The following RELN variants were observed in gnomAD, a reference collection of about 807,000 sequenced individuals.
RELN encodes reelin.
Under a neutral mutation model 427.6 loss-of-function variants are expected in RELN, and 108 were observed. That is an observed-to-expected ratio of 0.25 (90% CI 0.22 to 0.30). The LOEUF (loss-of-function observed/expected upper bound fraction) is 0.30, where lower values mean the gene tolerates loss of function less well. Among genes scored for constraint, RELN ranks in the 10% least tolerant of loss-of-function variants. The probability of loss-of-function intolerance (pLI) is 1.00; values close to 1 mark genes in which losing one functional copy is unlikely to be tolerated. For synonymous variants in RELN, 1,524 were observed against 1,513.4 expected (o/e 1.01, Z -0.16); for missense variants, 3,715 against 4,302.8 (o/e 0.86, Z 3.82).
At chr7:103,538,631 A>C (rs538576477) in intron 45 of RELN, among the ~76,000 whole-genome samples, 14 of 152,270 alleles carry the variant, frequency 9.2e-5, no homozygotes, top group African/African-American at 3.4e-4. Flanking sequence ...GTTTCATCTA[A>C]TGCCCCAAGA....
chr7:103,486,712 T>C (rs1309615907), intron 60 of RELN, among the ~76,000 whole-genome samples: 1 of 152,162 alleles, frequency 6.6e-6, no homozygotes, highest in Non-Finnish European at 1.5e-5. Flanking sequence ...TGGGATACCA[T>C]CTCATGTCAG....
At chr7:103,936,098 G>GGTTTTT in intron 1 of RELN, among the ~76,000 whole-genome samples, 1 of 99,132 alleles carries the variant, frequency 1.0e-5, no homozygotes, top group Admixed American at 1.0e-4. Flanking sequence ...TGCTTCAATG[G>GGTTTTT]CTTTTTTTTT....
intron 38 of RELN, 105 bp downstream of exon 38, chr7:103,556,872 A>AC: frequency 1.1e-6 from 1 of 914,116 alleles, no homozygotes; most frequent in Non-Finnish European, 1.8e-6. Flanking sequence ...TGTGCTGTGG[A>AC]CAGCTAAGCT....
At chr7:103,756,421 TTC>T (rs753360935) in intron 4 of RELN, among the ~76,000 whole-genome samples, 35 of 152,180 alleles carry the variant, frequency 2.3e-4, no homozygotes, top group Non-Finnish European at 1.5e-4. Context: ...TGCTGAACTG[TTC>T]TCTGTGTTAA....
chr7:103,745,776 CA>C (rs1393332723), intron 6 of RELN, among the ~76,000 whole-genome samples: 1 of 151,648 alleles, frequency 6.6e-6, no homozygotes, highest in Non-Finnish European at 1.5e-5. Context: ...AGGATACAAA[CA>C]AATGGAAGAA....
intron 10 of RELN, among the ~76,000 whole-genome samples, chr7:103,687,959 G>A (rs1833797291): frequency 6.6e-6 from 1 of 152,052 alleles, no homozygotes; most frequent in South Asian, 2.1e-4. Flanking sequence ...TCATTGGGGG[G>A]AATTGTGAAA....
chr7:103,725,668 ATGAG>A (rs1273674307), intron 7 of RELN, among the ~76,000 whole-genome samples: 1 of 152,184 alleles, frequency 6.6e-6, no homozygotes, highest in Non-Finnish European at 1.5e-5. Flanking sequence ...TTTCCTTTAA[ATGAG>A]TGAGAAAATG....
At chr7:103,540,530 G>T in intron 43 of RELN, 75 bp from the exon 44 acceptor site, 1 of 1,441,090 alleles carries the variant, frequency 6.9e-7, no homozygotes, top group Non-Finnish European at 9.7e-7. Context: ...ACAAGCACAT[G>T]GGGTAATGCA....
rs1234489695 is a variant in RELN, at chr7:103,603,767, T to C, written c.3147-277A>G. ...CGAAGGACAGTGGTGTGTGTGCTTATGTGAGTGTGTGTTTGTGGGGGGCTG... is the reference window on the plus strand; with the variant it reads ...CGAAGGACAGTGGTGTGTGTGCTTACGTGAGTGTGTGTTTGTGGGGGGCTG... On this transcript the variant is annotated intron_variant, in intron 23 of 64. Coordinates refer to ENST00000428762, the MANE Select transcript of RELN (RefSeq NM_005045.4). The surrounding 1 kb of genome is among the most constrained non-coding windows in gnomAD (Gnocchi z 4.3). 1.3e-5 allele frequency among the ~76,000 whole-genome samples: 2 copies of C among 152,214 alleles called. No individual in the cohort carries two copies. The highest frequency in any genetic ancestry group is 6.5e-5 in the Admixed American group (1 of 15,268).
chr7:103,784,541 T>C (rs1791969580), intron 3 of RELN, among the ~76,000 whole-genome samples: 1 of 152,136 alleles, frequency 6.6e-6, no homozygotes, highest in Admixed American at 6.6e-5. Context: ...TATCAGAAAT[T>C]TTCCTGGTTT....
At chr7:103,680,798 AT>A (rs1391312598) in intron 11 of RELN, among the ~76,000 whole-genome samples, 1 of 152,082 alleles carries the variant, frequency 6.6e-6, no homozygotes, top group Non-Finnish European at 1.5e-5. Context: ...TGTACTGCAC[AT>A]GAAACTTCAG....
At chr7:103,518,614 G>A (rs1380743669) in intron 49 of RELN, among the ~76,000 whole-genome samples, 1 of 151,280 alleles carries the variant, frequency 6.6e-6, no homozygotes, top group Non-Finnish European at 1.5e-5. Context: ...GGGATTACAG[G>A]TGTGAGCCAC....
intron 6 of RELN, 152 bp downstream of exon 6, chr7:103,749,274 C>CT: frequency 1.4e-6 from 1 of 691,700 alleles, no homozygotes; most frequent in South Asian, 1.6e-5. Context: ...TATATGCAGT[C>CT]TACATTAAGC....
chr7:103,623,377 T>C (rs957632550), intron 20 of RELN, among the ~76,000 whole-genome samples: 1 of 152,182 alleles, frequency 6.6e-6, no homozygotes, highest in African/African-American at 2.4e-5. Flanking sequence ...AAAGACAAAA[T>C]TTCTGTATAA....
intron 2 of RELN, among the ~76,000 whole-genome samples, chr7:103,901,165 A>G (rs1268262252): frequency 6.6e-6 from 1 of 152,042 alleles, no homozygotes; most frequent in African/African-American, 2.4e-5. Flanking sequence ...ACTCAGTGTC[A>G]TTAATCATTA....
At chr7:103,502,286 A>G (rs978110254) in intron 52 of RELN, among the ~76,000 whole-genome samples, 1 of 152,204 alleles carries the variant, frequency 6.6e-6, no homozygotes, top group African/African-American at 2.4e-5. Flanking sequence ...AATAATATCT[A>G]TGGGACACTG....
At chr7:103,475,195 T>A (rs737373) in intron 64 of RELN, among the ~76,000 whole-genome samples, 29,036 of 151,980 alleles carry the variant, frequency 0.19, 3,166 homozygotes, top group African/African-American at 0.3. Flanking sequence ...ATTTTCTTTG[T>A]TTACTCCCTC....
At chr7:103,820,527 A>C (rs1792988073) in intron 3 of RELN, among the ~76,000 whole-genome samples, 1 of 148,286 alleles carries the variant, frequency 6.7e-6, no homozygotes, top group South Asian at 2.1e-4. Context: ...CTATGCTTTT[A>C]AAAAGAAAAG....
chr7:103,984,223 T>C (rs1310078721), intron 1 of RELN, among the ~76,000 whole-genome samples: 4 of 151,772 alleles, frequency 2.6e-5, no homozygotes, highest in Admixed American at 1.3e-4. Flanking sequence ...CATAAAAATT[T>C]GAAAGTCAAA....
Sources: gnomAD v4.1 joint callset for allele counts (sites outside exome capture counted in the v4.1 genomes callset) on GRCh38, gnomAD v4.1.1 for gene constraint, Gnocchi (gnomAD v3.1) non-coding constraint, MANE v1.5 for transcripts, NCBI Gene and HGNC (gene_info 2026-07-23, HGNC 2026-07-21) for gene names.